The following SNTG2 variants were observed in gnomAD, a reference collection of about 807,000 sequenced individuals.
The protein encoded by SNTG2 is syntrophin gamma 2.
Under a neutral mutation model 70.9 loss-of-function variants are expected in SNTG2, and 74 were observed. The observed-to-expected ratio is 1.04, with a 90% CI of 0.86 to 1.27. The LOEUF is 1.27. Among genes scored for constraint, SNTG2 ranks in the 50% most tolerant of loss-of-function variants. The pLI, the probability that SNTG2 is intolerant of heterozygous loss-of-function variation, is 0.00. For missense variants in SNTG2, 717 were observed against 690.7 expected, an observed-to-expected ratio of 1.04 and a Z score of -0.43; for synonymous variants, 278 against 273.8, an observed-to-expected ratio of 1.02 and a Z score of -0.15.
At chr2:1,308,402 T>C (rs1329677099) in intron 14 of SNTG2, 92 bp from the exon 15 acceptor site, 1 of 1,197,664 alleles carries the variant, frequency 8.3e-7, no homozygotes, top group African/African-American at 1.5e-5. Flanking sequence ...TTTATAATTT[T>C]TGACCAAAGG....
At chr2:1,305,940 A>G (rs991393740) in intron 14 of SNTG2, among the ~76,000 whole-genome samples, 2 of 152,340 alleles carry the variant, frequency 1.3e-5, no homozygotes, top group East Asian at 1.9e-4. Context: ...TACAGATCCT[A>G]TGATGCTAGC....
chr2:996,220 A>G (rs767876537), intron 1 of SNTG2, among the ~76,000 whole-genome samples: 1 of 152,204 alleles, frequency 6.6e-6, no homozygotes, highest in Non-Finnish European at 1.5e-5. Context: ...ATTAATTTAA[A>G]TATTTGACAA....
intron 9 of SNTG2, among the ~76,000 whole-genome samples, chr2:1,235,514 G>GA (rs57078230): frequency 8.8e-5 from 3 of 34,054 alleles, no homozygotes; most frequent in African/African-American, 2.3e-4. Flanking sequence ...TGAGAGGGGG[G>GA]CCCCTGCCCC....
chr2:1,051,113 GT>G (rs1482942476), intron 1 of SNTG2, among the ~76,000 whole-genome samples: 1 of 142,628 alleles, frequency 7.0e-6, no homozygotes, highest in Non-Finnish European at 1.5e-5. Flanking sequence ...AAAAATGCTG[GT>G]TTTATTTTTT....
chr2:1,174,502 AAAAG>A (rs1274595860), intron 8 of SNTG2, among the ~76,000 whole-genome samples: 3 of 152,138 alleles, frequency 2.0e-5, no homozygotes, highest in African/African-American at 7.2e-5. Flanking sequence ...TATCATCATT[AAAAG>A]AGGTGCAGCC....
At chr2:1,186,382 C>T (rs961007057) in intron 8 of SNTG2, among the ~76,000 whole-genome samples, 3 of 152,198 alleles carry the variant, frequency 2.0e-5, no homozygotes, top group African/African-American at 7.2e-5. Flanking sequence ...AAGTCACTTT[C>T]ACATTTTCAG....
intron 14 of SNTG2, among the ~76,000 whole-genome samples, chr2:1,272,306 A>C (rs1558620696): frequency 6.9e-6 from 1 of 144,534 alleles, no homozygotes; most frequent in Non-Finnish European, 1.5e-5. Context: ...TGTGCCACCG[A>C]GATCCCTCAC....
At chr2:1,012,071 A>C (rs567373816) in intron 1 of SNTG2, among the ~76,000 whole-genome samples, 63 of 152,258 alleles carry the variant, frequency 4.1e-4, no homozygotes, top group Admixed American at 1.0e-3. Flanking sequence ...TAAATCAAGC[A>C]ATCTCTAAAT....
At chr2:1,129,182 G>A (rs28522891) in intron 4 of SNTG2, among the ~76,000 whole-genome samples, 90,511 of 152,164 alleles carry the variant, frequency 0.59, 27,646 homozygotes, top group East Asian at 0.72. Context: ...ATTTTTCTAA[G>A]TCTTCTAACA....
intron 14 of SNTG2, among the ~76,000 whole-genome samples, chr2:1,302,726 G>A (rs1052476027): frequency 1.3e-5 from 2 of 152,080 alleles, no homozygotes; most frequent in African/African-American, 2.4e-5. Context: ...TTAACAAGAT[G>A]ACCAAGCTCT....
chr2:1,057,483 C>T lies in SNTG2; in HGVS notation c.73-26035C>T, dbSNP rs193031167. Among the ~76,000 whole-genome samples the T allele has an allele frequency of 1.2e-3, 189 of 152,262 alleles. 2 individuals are homozygous for T. Among genetic ancestry groups the T allele is most frequent in the African/African-American group, 4.5e-3 (186 of 41,538 alleles). On this transcript the variant is annotated intron_variant, in intron 1 of 16. Coordinates refer to ENST00000308624, the MANE Select transcript of SNTG2 (RefSeq NM_018968.4). ...AAGGAAGCCAGTTCGAGTCCCAAAG[C>T]TGGAGTCCGATGTGCGAGGGCAGGA...
At chr2:1,187,874 A>C (rs1427404106) in intron 8 of SNTG2, among the ~76,000 whole-genome samples, 1 of 152,272 alleles carries the variant, frequency 6.6e-6, no homozygotes, top group African/African-American at 2.4e-5. Context: ...CTATCTTTCC[A>C]GAACAAAGTA....
intron 12 of SNTG2, among the ~76,000 whole-genome samples, chr2:1,248,102 A>G (rs531351114): frequency 6.3e-4 from 96 of 152,382 alleles, no homozygotes; most frequent in Middle Eastern, 6.8e-3. Context: ...GATGCATGTC[A>G]CGTGCAGTGT....
chr2:1,186,020 A>G (rs2147926343), intron 8 of SNTG2, among the ~76,000 whole-genome samples: 1 of 152,332 alleles, frequency 6.6e-6, no homozygotes, highest in East Asian at 1.9e-4. Flanking sequence ...AAATATGAGC[A>G]CAGGTTGCTA....
intron 9 of SNTG2, among the ~76,000 whole-genome samples, chr2:1,214,439 T>C (rs1674244267): frequency 6.6e-6 from 1 of 152,168 alleles, no homozygotes; most frequent in Admixed American, 6.5e-5. Context: ...ATGTATATTT[T>C]TCATTGTACA....
At chr2:970,041 T>G (rs1471622715) in intron 1 of SNTG2, among the ~76,000 whole-genome samples, 1 of 152,216 alleles carries the variant, frequency 6.6e-6, no homozygotes, top group Non-Finnish European at 1.5e-5. Context: ...ATACCTTCAT[T>G]GCCTAGTTTG....
At chr2:1,210,791 A>C (rs191381420) in intron 9 of SNTG2, 1 of 152,334 alleles carries the variant, frequency 6.6e-6, no homozygotes, top group African/African-American at 2.4e-5. Context: ...TTGTGTATTT[A>C]GATACACAAA....
intron 4 of SNTG2, among the ~76,000 whole-genome samples, chr2:1,132,604 G>A (rs1668097543): frequency 6.6e-6 from 1 of 152,186 alleles, no homozygotes; most frequent in Non-Finnish European, 1.5e-5. Context: ...GTCTGTTCTG[G>A]AGGCAGTGGG....
chr2:1,269,340 G>A (rs973783096), intron 14 of SNTG2, among the ~76,000 whole-genome samples: 1 of 152,022 alleles, frequency 6.6e-6, no homozygotes, highest in Non-Finnish European at 1.5e-5. Flanking sequence ...AAACCTAGAA[G>A]CCCCATCTCT....
Sources: gnomAD v4.1 joint callset for allele counts (sites outside exome capture counted in the v4.1 genomes callset) on GRCh38, gnomAD v4.1.1 for gene constraint, MANE v1.5 for transcripts, NCBI Gene and HGNC (gene_info 2026-07-23, HGNC 2026-07-21) for gene names.